The following ANKRD30B variants were observed in gnomAD, a reference collection of about 807,000 sequenced individuals.
ANKRD30B encodes ankyrin repeat domain-containing protein 30B.
ANKRD30B carries 144 observed loss-of-function variants against 202.2 expected under a neutral mutation model. The ratio of observed to expected loss-of-function variants is 0.71; its 90% confidence interval spans 0.62 to 0.82. The LOEUF (loss-of-function observed/expected upper bound fraction) is 0.82. ANKRD30B is among the 40% of genes least tolerant of loss of function. The pLI, the probability that ANKRD30B is intolerant of heterozygous loss-of-function variation, is 0.00. For missense variants in ANKRD30B, 1,487 were observed against 1,669.1 expected, an observed-to-expected ratio of 0.89 and a Z score of 1.90; for synonymous variants, 508 against 561.3, an observed-to-expected ratio of 0.91 and a Z score of 1.34.
intron 5 of ANKRD30B, among the ~76,000 whole-genome samples, chr18:14,758,663 C>G (rs1020225527): frequency 5.3e-5 from 8 of 152,310 alleles, no homozygotes; most frequent in South Asian, 4.1e-4. Flanking sequence ...ATTGACCATT[C>G]TCCTCCCACT....
At chr18:14,864,991 G>C in the ANKRD30B span, among the ~76,000 whole-genome samples, 1 of 151,174 alleles carries the variant, frequency 6.6e-6, no homozygotes, top group African/African-American at 2.4e-5. Context: ...CCTCTGTCCT[G>C]CTTGCCACCC....
chr18:14,790,313 T>C (rs921302057), intron 15 of ANKRD30B, among the ~76,000 whole-genome samples: 1 of 152,198 alleles, frequency 6.6e-6, no homozygotes, highest in African/African-American at 2.4e-5. Context: ...GTTTTCTAGA[T>C]ATACAATCAT....
chr18:14,777,835 C>CATTAAAAA, intron 9 of ANKRD30B, 150 bp from the exon 10 acceptor site: 1 of 587,576 alleles, frequency 1.7e-6, no homozygotes, highest in Admixed American at 3.4e-5. Flanking sequence ...CCCAGCTACT[C>CATTAAAAA]AGGAGGCAGA....
At chr18:14,826,020 G>GA (rs1292196852) in intron 32 of ANKRD30B, among the ~76,000 whole-genome samples, 1 of 152,078 alleles carries the variant, frequency 6.6e-6, no homozygotes, top group Non-Finnish European at 1.5e-5. Flanking sequence ...TGAGTTCAAT[G>GA]AAACATTCAT....
At chr18:14,829,185 A>G (rs1288369461) in intron 33 of ANKRD30B, among the ~76,000 whole-genome samples, 10 of 152,210 alleles carry the variant, frequency 6.6e-5, no homozygotes, top group Admixed American at 1.3e-4. Flanking sequence ...AAATTAAAGC[A>G]CATGGAATTT....
chr18:14,771,027 A>G (rs1966969493), intron 8 of ANKRD30B, among the ~76,000 whole-genome samples: 2 of 152,284 alleles, frequency 1.3e-5, no homozygotes, highest in South Asian at 2.1e-4. Context: ...ACCCATGTAC[A>G]TATAAAGCAG....
At chr18:14,870,537 A>G in the ANKRD30B span, among the ~76,000 whole-genome samples, 4 of 152,130 alleles carry the variant, frequency 2.6e-5, no homozygotes, top group African/African-American at 7.2e-5. Context: ...AACACTTCCC[A>G]CAGGCGTTTG....
At chr18:14,842,628 A>G (rs1304565804) in intron 37 of ANKRD30B, among the ~76,000 whole-genome samples, 2 of 152,380 alleles carry the variant, frequency 1.3e-5, no homozygotes, top group Non-Finnish European at 2.9e-5. Context: ...CAGCATATAC[A>G]TATTAATATC....
At chr18:14,928,916 G>A in the ANKRD30B span, among the ~76,000 whole-genome samples, 36 of 152,158 alleles carry the variant, frequency 2.4e-4, no homozygotes, top group African/African-American at 8.0e-4. Flanking sequence ...TTGGTCATGC[G>A]TCTCTATTCT....
At position 14,822,363 on chromosome 18, in the gene ANKRD30B, T is replaced by C. The variant is rs73959413; in HGVS notation, c.2642-120T>C. The C allele has an allele frequency of 3.2e-4, 239 of 737,562 alleles. No individual in the cohort carries two copies. In the African/African-American group the frequency reaches 3.8e-3, roughly 12 times the overall value. The allele number at this position is 737,562 out of a possible 1,614,324, so 45.7% of individuals were successfully genotyped here. ...CAATAACCCAAAAGACCCCAAAACCTAGTGTAATCTCTTTTCAATCCAAGC... is the reference window on the plus strand; with the variant it reads ...CAATAACCCAAAAGACCCCAAAACCCAGTGTAATCTCTTTTCAATCCAAGC... On this transcript the variant is annotated intron_variant, in intron 30 of 43. Transcript: ENST00000690538.
chr18:14,824,605 A>G (rs1233665731), intron 32 of ANKRD30B, among the ~76,000 whole-genome samples: 1 of 152,242 alleles, frequency 6.6e-6, no homozygotes, highest in Non-Finnish European at 1.5e-5. Flanking sequence ...ATGTAAATAA[A>G]CTTGTGTTTC....
chr18:14,762,317 A>T (rs1487849514), intron 6 of ANKRD30B, among the ~76,000 whole-genome samples: 1 of 152,242 alleles, frequency 6.6e-6, no homozygotes, highest in Non-Finnish European at 1.5e-5. Flanking sequence ...AACTATCTTT[A>T]GAATTTGGAA....
At chr18:14,749,609 T>G (rs1913072599) in intron 1 of ANKRD30B, among the ~76,000 whole-genome samples, 1 of 133,630 alleles carries the variant, frequency 7.5e-6, no homozygotes. Flanking sequence ...AGGTGGAGGT[T>G]GCAGTGAGCC....
downstream of ANKRD30B, among the ~76,000 whole-genome samples, chr18:14,856,513 T>C (rs1488374304): frequency 1.2e-4 from 13 of 109,696 alleles, no homozygotes; most frequent in East Asian, 5.6e-4. Context: ...TGGGGAGAGG[T>C]GCTCCTCACC....
chr18:14,752,499 A>G, intron 1 of ANKRD30B, 67 bp from the exon 2 acceptor site: 2 of 1,169,472 alleles, frequency 1.7e-6, no homozygotes, highest in Non-Finnish European at 2.4e-6. Flanking sequence ...GTTTACAATT[A>G]CCTAAATCGT....
chr18:14,903,807 T>A, the ANKRD30B span: 1 of 152,232 alleles, frequency 6.6e-6, no homozygotes, highest in Non-Finnish European at 1.5e-5. Flanking sequence ...AAGGTACACC[T>A]GGAAAATCAG....
At chr18:14,792,183 T>C (rs1968560423) in intron 16 of ANKRD30B, among the ~76,000 whole-genome samples, 1 of 152,226 alleles carries the variant, frequency 6.6e-6, no homozygotes, top group Non-Finnish European at 1.5e-5. Flanking sequence ...CTAGGGATTC[T>C]GCATTTTTAG....
chr18:14,854,105 G>T (rs1319991636), intron 43 of ANKRD30B, among the ~76,000 whole-genome samples, 87 bp from the exon 44 acceptor site: 2 of 151,496 alleles, frequency 1.3e-5, no homozygotes, highest in Non-Finnish European at 2.9e-5. Flanking sequence ...ATTATAATTA[G>T]TTTTATTACA....
chr18:14,781,616 G>A (rs1472859576), intron 11 of ANKRD30B, among the ~76,000 whole-genome samples: 1 of 152,268 alleles, frequency 6.6e-6, no homozygotes, highest in Non-Finnish European at 1.5e-5. Flanking sequence ...ATTTGCGGCA[G>A]CACTCCTCTC....
Sources: allele counts gnomAD v4.1 joint callset (sites outside exome capture counted in the v4.1 genomes callset), GRCh38; gene constraint gnomAD v4.1.1; transcripts MANE v1.5; gene names NCBI Gene and HGNC (gene_info 2026-07-23, HGNC 2026-07-21).